Variants in IL16 observed in about 807,000 individuals in gnomAD.
IL16 encodes interleukin 16.
In IL16, 67 loss-of-function variants were observed where a neutral mutation model predicts 110.1. The ratio of observed to expected loss-of-function variants is 0.61; its 90% CI spans 0.50 to 0.75. The LOEUF (loss-of-function observed/expected upper bound fraction) is 0.75. IL16 is among the 30% of genes least tolerant of loss of function. The probability of loss-of-function intolerance (pLI) is 0.00; values close to 1 mark genes in which losing one functional copy is unlikely to be tolerated. For synonymous variants in IL16, 689 were observed against 662.9 expected (o/e 1.04, Z -0.61); for missense variants, 1,545 against 1,655.0 (o/e 0.93, Z 1.15).
chr15:81,225,540 T>C lies in IL16; in HGVS notation c.141T>C (p.Ile47=). 1.2e-6 allele frequency: 2 copies of C among 1,614,150 alleles called. No homozygotes were observed. Among genetic ancestry groups the C allele is most frequent in the East Asian group, 4.5e-5 (2 of 44,874 alleles). The part of the protein sequence containing the change: ...PDEKYPDPFE[I]SLAQGKEGIF... Reference sequence around the variant, plus strand: ...AGAAATATCCTGATCCCTTTGAGATTTCCTTGGCCCAGGGCAAGGAGGGAA... The same window carrying C: ...AGAAATATCCTGATCCCTTTGAGATCTCCTTGGCCCAGGGCAAGGAGGGAA... Residue 47 remains isoleucine, a synonymous_variant, in exon 2 of 19, where the codon ATT becomes ATC. Transcript: ENST00000683961.
chr15:81,250,535 T>G (rs918267516), intron 2 of IL16, among the ~76,000 whole-genome samples: 1 of 152,184 alleles, frequency 6.6e-6, no homozygotes, highest in African/African-American at 2.4e-5. Flanking sequence ...GATTTTTTTT[T>G]CTGTGACAGC....
intron 1 of IL16, among the ~76,000 whole-genome samples, chr15:81,187,005 T>G (rs1006597058): frequency 6.6e-6 from 1 of 152,112 alleles, no homozygotes; most frequent in Non-Finnish European, 1.5e-5. Context: ...GGGGATTAAA[T>G]AAAGAGTACC....
chr15:81,243,164 T>TATATACATATATATATATATA (rs60077602), intron 2 of IL16, among the ~76,000 whole-genome samples: 6 of 15,760 alleles, frequency 3.8e-4, no homozygotes, highest in Admixed American at 9.8e-4. Context: ...TATATATATA[T>TATATACATATATATATATATA]TTTTTTTTTT....
intron 1 of IL16, chr15:81,182,977 A>AG (rs747666779): frequency 4.6e-6 from 4 of 878,438 alleles, no homozygotes; most frequent in Non-Finnish European, 6.5e-6. Flanking sequence ...ACATCCTCCC[A>AG]GGGGAATGGA....
intron 2 of IL16, among the ~76,000 whole-genome samples, chr15:81,239,557 G>C (rs1024822218): frequency 4.6e-5 from 7 of 152,316 alleles, no homozygotes; most frequent in African/African-American, 1.7e-4. Context: ...GCACTCAGCT[G>C]ATGCTGCCCC....
chr15:81,259,186 G>A (rs184422091), intron 2 of IL16, among the ~76,000 whole-genome samples: 61 of 152,328 alleles, frequency 4.0e-4, no homozygotes, highest in Middle Eastern at 3.4e-3. Context: ...TGCATGGATA[G>A]TTCAATATTA....
chr15:81,194,644 A>C (rs1472478417), upstream of IL16, among the ~76,000 whole-genome samples: 1 of 152,162 alleles, frequency 6.6e-6, no homozygotes, highest in African/African-American at 2.4e-5. Context: ...TGATTATGAA[A>C]CTTTAGCAAG....
At chr15:81,239,034 T>A (rs1436322463) in intron 2 of IL16, among the ~76,000 whole-genome samples, 1 of 151,984 alleles carries the variant, frequency 6.6e-6, no homozygotes, top group Non-Finnish European at 1.5e-5. Context: ...TAATGTGTCA[T>A]CTTTTTGTTA....
At chr15:81,291,089 T>C (rs1899695549) in intron 11 of IL16, among the ~76,000 whole-genome samples, 1 of 152,238 alleles carries the variant, frequency 6.6e-6, no homozygotes, top group Non-Finnish European at 1.5e-5. Context: ...GGCTCTGGAA[T>C]GGAGATCCAG....
At position 81,225,497 on chromosome 15, in the gene IL16, A is replaced by G. The variant is rs979572700; in HGVS notation, c.98A>G (p.Asp33Gly). ...CTCTGTAATGCTAAGACCAGTGATG[A>G]TGGCTCTAGCCCTGATGAGAAATAT... is the stretch of plus-strand genomic sequence containing the variant. ...LMLCNAKTSD[D>G]GSSPDEKYPD... The change falls in exon 2 of 19, where the codon GAT becomes GGT. Residue 33 changes from aspartate (D) to glycine (G), a missense_variant. Physicochemically the swap from Asp to Gly is moderately conservative, Grantham distance 94. Coordinates refer to ENST00000683961, the MANE Select transcript of IL16 (RefSeq NM_172217.5). 1 of 1,613,968 alleles carries G rather than the reference A, an allele frequency of 6.2e-7. No individual in the cohort carries two copies. The highest frequency in any genetic ancestry group is 8.5e-7 in the Non-Finnish European group (1 of 1,179,934).
In IL16 at chr15:81,299,395, C is replaced by T. The variant is rs770035791; in HGVS notation, c.2069C>T (p.Pro690Leu). 1.3e-5 allele frequency: 21 copies of T among 1,613,098 alleles called. No individual in the cohort carries two copies. The highest frequency in any genetic ancestry group is 6.7e-5 in the East Asian group (3 of 44,884). ...TGCACTGTAGTGACCCAAACATCCC[C>T]GATAAAACACCCACTGCTTAAGAGG... The part of the protein sequence containing the change: ...RRASPVTQTS[P>L]IKHPLLKRQA... The change falls in exon 14 of 19, where the codon CCG becomes CTG. Residue 690 changes from proline (P) to leucine (L), a missense_variant. Pro to Leu is a moderately conservative substitution (Grantham distance 98, BLOSUM62 -3). Coordinates refer to ENST00000683961, the MANE Select transcript of IL16 (RefSeq NM_172217.5).
intron 1 of IL16, among the ~76,000 whole-genome samples, chr15:81,206,725 A>G (rs936078649): frequency 1.3e-5 from 2 of 152,320 alleles, no homozygotes; most frequent in African/African-American, 4.8e-5. Context: ...AACACCAAAA[A>G]TCTCCTGAAG....
At chr15:81,220,486 T>C (rs1896577069) in intron 1 of IL16, among the ~76,000 whole-genome samples, 2 of 152,206 alleles carry the variant, frequency 1.3e-5, no homozygotes, top group African/African-American at 2.4e-5. Flanking sequence ...GAAAGAACCA[T>C]ACATTTCTTC....
intron 3 of IL16, among the ~76,000 whole-genome samples, 184 bp downstream of exon 3, chr15:81,260,064 TCATGG>T (rs1238147862): frequency 1.3e-5 from 2 of 152,144 alleles, no homozygotes; most frequent in African/African-American, 2.4e-5. Flanking sequence ...CCAGCTCTCC[TCATGG>T]CTCCAAGTGC....
intron 1 of IL16, among the ~76,000 whole-genome samples, chr15:81,184,198 C>T (rs750264177): frequency 5.3e-5 from 8 of 152,332 alleles, no homozygotes; most frequent in Admixed American, 2.0e-4. Flanking sequence ...CTAGGTGCTC[C>T]GTGTTTGGTG....
intron 6 of IL16, 87 bp downstream of exon 6, chr15:81,273,291 G>A (rs1344224555): frequency 2.1e-6 from 2 of 963,368 alleles, no homozygotes; most frequent in East Asian, 2.6e-5. Flanking sequence ...TGTTGGGAAT[G>A]CAAAATGTGT....
chr15:81,236,137 G>A (rs959729296), intron 2 of IL16, among the ~76,000 whole-genome samples: 5 of 152,226 alleles, frequency 3.3e-5, no homozygotes, highest in Non-Finnish European at 5.9e-5. Context: ...GATTTGATGA[G>A]GTCAGATCAG....
chr15:81,269,715 TC>T, intron 5 of IL16, 67 bp downstream of exon 5: 3 of 1,153,526 alleles, frequency 2.6e-6, no homozygotes, highest in African/African-American at 1.5e-5. Flanking sequence ...AGCTGCTGTG[TC>T]CAGGGAAGGA....
intron 3 of IL16, 72 bp downstream of exon 3, chr15:81,259,952 T>G: frequency 1.0e-6 from 1 of 962,138 alleles, no homozygotes; most frequent in African/African-American, 1.6e-5. Context: ...ATTGGGAGGA[T>G]AGCGGCTCTC....
Sources: gnomAD v4.1 joint callset for allele counts (sites outside exome capture counted in the v4.1 genomes callset) on GRCh38, gnomAD v4.1.1 for gene constraint, MANE v1.5 for transcripts, NCBI Gene and HGNC (gene_info 2026-07-23, HGNC 2026-07-21) for gene names.